The following ADAMTSL1 variants were observed in gnomAD, a reference collection of about 807,000 sequenced individuals.
ADAMTSL1 encodes ADAMTS like 1, also known as ADAMTS-like protein 1.
A neutral mutation model predicts 201.8 loss-of-function variants in ADAMTSL1; 126 were observed. The ratio of observed to expected loss-of-function variants is 0.62; its 90% CI spans 0.54 to 0.72. The LOEUF (loss-of-function observed/expected upper bound fraction) is 0.72, where lower values mean the gene tolerates loss of function less well. ADAMTSL1 is among the 30% of genes least tolerant of loss of function. The probability of loss-of-function intolerance (pLI) is 0.00; values close to 1 mark genes in which losing one functional copy is unlikely to be tolerated. For missense variants in ADAMTSL1, 2,679 were observed against 2,277.8 expected (o/e 1.18, Z -3.59); for synonymous variants, 1,121 against 903.4 (o/e 1.24, Z -4.32).
At chr9:18,806,874 C>A (rs537979996) in intron 20 of ADAMTSL1, among the ~76,000 whole-genome samples, 1 of 152,338 alleles carries the variant, frequency 6.6e-6, no homozygotes, top group East Asian at 1.9e-4. Flanking sequence ...TCCTTAATGG[C>A]CTTCACATCC....
chr9:18,806,676 C>G (rs1005052362), intron 20 of ADAMTSL1, among the ~76,000 whole-genome samples: 10 of 152,132 alleles, frequency 6.6e-5, no homozygotes, highest in African/African-American at 2.4e-4. Flanking sequence ...GATTTTACCC[C>G]AAATCACATA....
chr9:18,165,159 T>C (rs1440726956), intron 2 of ADAMTSL1, among the ~76,000 whole-genome samples: 2 of 152,022 alleles, frequency 1.3e-5, no homozygotes, highest in Admixed American at 6.6e-5. Context: ...CTAAGTTTTA[T>C]TTTTCCTTCT....
At chr9:18,558,135 T>A (rs1821221156) in intron 3 of ADAMTSL1, among the ~76,000 whole-genome samples, 1 of 152,114 alleles carries the variant, frequency 6.6e-6, no homozygotes. Flanking sequence ...CATTAGTTAT[T>A]TCTCCTAATG....
chr9:17,906,690 C>G lies in ADAMTSL1; in HGVS notation c.-146C>G, dbSNP rs776612217. On this transcript the variant is annotated 5_prime_UTR_variant, in exon 1 of 30. Coordinates refer to the ADAMTSL1 transcript ENST00000680146. ...AAGCTCCAAAGCCGCGCCGCCTGCCCCAGCGCAGCTCTGTCTCGTGGGGCG... is the reference window on the plus strand; with the variant it reads ...AAGCTCCAAAGCCGCGCCGCCTGCCGCAGCGCAGCTCTGTCTCGTGGGGCG... 1.5e-3 allele frequency: 225 copies of G among 152,666 alleles called. 1 individual carries two copies. The highest frequency in any genetic ancestry group is 2.1e-3 in the Non-Finnish European group (145 of 68,320). The allele number at this position is 152,666 out of a possible 1,614,324, so 9.5% of individuals were successfully genotyped here.
intron 1 of ADAMTSL1, among the ~76,000 whole-genome samples, chr9:18,044,743 T>A (rs1425356944): frequency 1.3e-5 from 2 of 152,134 alleles, no homozygotes; most frequent in African/African-American, 2.4e-5. Context: ...TTATTTAGCC[T>A]TTTCATTTTA....
At chr9:18,758,122 C>A (rs946100368) in intron 16 of ADAMTSL1, among the ~76,000 whole-genome samples, 1 of 152,166 alleles carries the variant, frequency 6.6e-6, no homozygotes, top group Non-Finnish European at 1.5e-5. Context: ...CTCTCTTGAG[C>A]CTCACAGCAA....
At chr9:18,084,184 G>C (rs1420273212) in intron 1 of ADAMTSL1, among the ~76,000 whole-genome samples, 3 of 152,172 alleles carry the variant, frequency 2.0e-5, no homozygotes, top group African/African-American at 7.2e-5. Context: ...TTTCCATACA[G>C]ATTAGGTGAG....
At chr9:18,782,165 C>G (rs905344713) in intron 19 of ADAMTSL1, among the ~76,000 whole-genome samples, 12 of 152,316 alleles carry the variant, frequency 7.9e-5, no homozygotes, top group Admixed American at 7.8e-4. Context: ...AAAGAAGATT[C>G]ATTTCCTGTT....
intron 1 of ADAMTSL1, among the ~76,000 whole-genome samples, chr9:17,991,524 A>G (rs1819149725): frequency 6.6e-6 from 1 of 152,032 alleles, no homozygotes; most frequent in African/African-American, 2.4e-5. Flanking sequence ...AGACTCAGAA[A>G]AGGCTTTGTC....
chr9:18,398,175 T>C (rs1479938982), intron 2 of ADAMTSL1, among the ~76,000 whole-genome samples: 1 of 152,186 alleles, frequency 6.6e-6, no homozygotes, highest in Non-Finnish European at 1.5e-5. Flanking sequence ...ATCAGCCTTC[T>C]CATTCACATT....
intron 1 of ADAMTSL1, among the ~76,000 whole-genome samples, chr9:18,141,138 G>A (rs969794481): frequency 2.0e-5 from 3 of 152,194 alleles, no homozygotes; most frequent in Non-Finnish European, 4.4e-5. Context: ...GTGTGAAGAG[G>A]TCAGAGCAGA....
intron 1 of ADAMTSL1, among the ~76,000 whole-genome samples, chr9:18,108,150 G>C (rs980255847): frequency 2.0e-5 from 3 of 151,060 alleles, no homozygotes; most frequent in African/African-American, 7.3e-5. Flanking sequence ...ATTGAAAGAA[G>C]TGAGCAAAAA....
At chr9:18,497,399 CT>C (rs1822585833) in intron 1 of ADAMTSL1, among the ~76,000 whole-genome samples, 1 of 152,072 alleles carries the variant, frequency 6.6e-6, no homozygotes, top group African/African-American at 2.4e-5. Flanking sequence ...CTCTCTAGGT[CT>C]AGAAGCTCAG....
At chr9:18,339,175 A>T (rs1383130252) in intron 2 of ADAMTSL1, among the ~76,000 whole-genome samples, 2 of 152,326 alleles carry the variant, frequency 1.3e-5, no homozygotes, top group Admixed American at 6.5e-5. Context: ...CAGACAACCT[A>T]CAGAATGGGA....
chr9:18,370,060 A>C (rs2133122813), intron 2 of ADAMTSL1, among the ~76,000 whole-genome samples: 1 of 152,270 alleles, frequency 6.6e-6, no homozygotes, highest in Admixed American at 6.5e-5. Flanking sequence ...CTGGTGGATC[A>C]CCTGAGATGA....
chr9:18,786,453 G>C (rs985271970), intron 19 of ADAMTSL1, among the ~76,000 whole-genome samples: 1 of 152,170 alleles, frequency 6.6e-6, no homozygotes, highest in African/African-American at 2.4e-5. Context: ...TTATCTCTCT[G>C]AACCTTGGTT....
rs2131868629 is a variant in ADAMTSL1, at chr9:18,494,014, C to T, written c.64-10815C>T. On this transcript the variant is annotated intron_variant, in intron 1 of 28. Coordinates refer to ENST00000380548, the MANE Select transcript of ADAMTSL1 (RefSeq NM_001040272.6). Reference sequence around the variant, plus strand: ...GTAAACAAGTAACTATACTGGGTGGCTGACAAATGCTAAAATAGCCATTTG... The same window carrying T: ...GTAAACAAGTAACTATACTGGGTGGTTGACAAATGCTAAAATAGCCATTTG... Among the ~76,000 whole-genome samples, 3 of 152,292 alleles carry T rather than the reference C, an allele frequency of 2.0e-5. No homozygotes were observed. The South Asian group carries it at 6.2e-4, about 32-fold the overall frequency.
chr9:18,538,161 T>C (rs568659718), intron 3 of ADAMTSL1, among the ~76,000 whole-genome samples: 5 of 152,188 alleles, frequency 3.3e-5, no homozygotes, highest in Non-Finnish European at 1.5e-5. Context: ...AGGGGGATCA[T>C]TGCGGTAGTT....
intron 1 of ADAMTSL1, among the ~76,000 whole-genome samples, chr9:18,086,692 G>T (rs971168175): frequency 3.3e-5 from 5 of 152,166 alleles, no homozygotes; most frequent in African/African-American, 1.2e-4. Context: ...TGATTTATGT[G>T]TACTTTAGAA....
Sources: gnomAD v4.1 joint callset for allele counts (sites outside exome capture counted in the v4.1 genomes callset) on GRCh38, gnomAD v4.1.1 for gene constraint, MANE v1.5 for transcripts, NCBI Gene and HGNC (gene_info 2026-07-23, HGNC 2026-07-21) for gene names.